The following CNTN5 variants were observed in gnomAD, a reference collection of about 807,000 sequenced individuals.
The protein encoded by CNTN5 is contactin 5, also known as contactin-5.
CNTN5 carries 77 observed loss-of-function variants against 129.1 expected under a neutral mutation model. The observed-to-expected ratio is 0.60, with a 90% CI of 0.50 to 0.72. The LOEUF (loss-of-function observed/expected upper bound fraction) is 0.72, where lower values mean the gene tolerates loss of function less well. Ranked by LOEUF, CNTN5 falls within the 30% of genes least tolerant of loss-of-function variation. CNTN5 has a pLI of 0.00. For synonymous variants in CNTN5, 509 were observed against 465.6 expected, an observed-to-expected ratio of 1.09 and a Z score of -1.20; for missense variants, 1,478 against 1,328.8, an observed-to-expected ratio of 1.11 and a Z score of -1.75.
chr11:100,015,039 A>T (rs759241647), intron 9 of CNTN5, among the ~76,000 whole-genome samples: 2 of 152,168 alleles, frequency 1.3e-5, no homozygotes, highest in Non-Finnish European at 2.9e-5. Flanking sequence ...CTGTTTGATT[A>T]CCATAAATGT....
At chr11:99,158,547 G>A (rs1366661033) in intron 1 of CNTN5, among the ~76,000 whole-genome samples, 1 of 151,604 alleles carries the variant, frequency 6.6e-6, no homozygotes, top group East Asian at 1.9e-4. Flanking sequence ...TAATTTTTTT[G>A]CATATAACAA....
At chr11:100,014,257 A>G (rs2137535330) in intron 9 of CNTN5, among the ~76,000 whole-genome samples, 1 of 152,270 alleles carries the variant, frequency 6.6e-6, no homozygotes, top group South Asian at 2.1e-4. Context: ...TCTGCATAAC[A>G]GCAGTATCTC....
chr11:100,331,996 A>G (rs1007771898), intron 21 of CNTN5, among the ~76,000 whole-genome samples: 7 of 152,072 alleles, frequency 4.6e-5, no homozygotes, highest in African/African-American at 1.7e-4. Flanking sequence ...GGAGAACTAA[A>G]TAAAATTGAA....
At chr11:100,148,668 A>AAAT (rs1946939177) in intron 13 of CNTN5, among the ~76,000 whole-genome samples, 1 of 152,038 alleles carries the variant, frequency 6.6e-6, no homozygotes, top group African/African-American at 2.4e-5. Context: ...CCGGGCCAAC[A>AAAT]AATAACAGGA....
At chr11:100,277,573 A>G (rs894764377) in intron 18 of CNTN5, among the ~76,000 whole-genome samples, 1 of 152,132 alleles carries the variant, frequency 6.6e-6, no homozygotes, top group Non-Finnish European at 1.5e-5. Flanking sequence ...CTGATGATCA[A>G]TTATGCTGAG....
chr11:100,289,910 A>C (rs1950915084), intron 18 of CNTN5, among the ~76,000 whole-genome samples: 1 of 151,314 alleles, frequency 6.6e-6, no homozygotes, highest in African/African-American at 2.4e-5. Context: ...ACTTCAGCAA[A>C]GTCTCAGGAT....
chr11:99,230,126 A>G (rs1860911993), intron 1 of CNTN5, among the ~76,000 whole-genome samples: 1 of 152,050 alleles, frequency 6.6e-6, no homozygotes, highest in African/African-American at 2.4e-5. Flanking sequence ...TTCGATACTT[A>G]AAAGAGATTA....
intron 3 of CNTN5, among the ~76,000 whole-genome samples, chr11:99,689,530 GAAAAAA>G (rs368912453): frequency 3.7e-4 from 34 of 92,910 alleles, no homozygotes; most frequent in African/African-American, 1.3e-3. Context: ...CCTCAAAAAA[GAAAAAA>G]AAAAAAAAAA....
chr11:99,360,612 C>A (rs1366598839), intron 2 of CNTN5, among the ~76,000 whole-genome samples: 1 of 152,124 alleles, frequency 6.6e-6, no homozygotes, highest in Admixed American at 6.5e-5. Context: ...TTTTGCCTTT[C>A]GTCATAGTTT....
intron 1 of CNTN5, among the ~76,000 whole-genome samples, chr11:99,290,037 T>G (rs1417474640): frequency 6.6e-6 from 1 of 151,860 alleles, no homozygotes. Flanking sequence ...CTGCTACATC[T>G]GAAGTTATTA....
At chr11:99,858,038 T>G (rs1382317041) in intron 6 of CNTN5, among the ~76,000 whole-genome samples, 1 of 151,794 alleles carries the variant, frequency 6.6e-6, no homozygotes, top group African/African-American at 2.4e-5. Context: ...CATGTCAAAA[T>G]ATCCAGCAAA....
At chr11:100,167,666 A>G (rs1947684156) in intron 13 of CNTN5, among the ~76,000 whole-genome samples, 1 of 151,954 alleles carries the variant, frequency 6.6e-6, no homozygotes, top group Non-Finnish European at 1.5e-5. Context: ...ACAGACCTAG[A>G]TTAGGACTGA....
chr11:99,204,453 T>G (rs1185562163), intron 1 of CNTN5, among the ~76,000 whole-genome samples: 1 of 152,222 alleles, frequency 6.6e-6, no homozygotes, highest in Non-Finnish European at 1.5e-5. Context: ...TTCATGTTAT[T>G]GAACCTAATA....
At chr11:100,026,043 T>C (rs538476119) in intron 9 of CNTN5, among the ~76,000 whole-genome samples, 5 of 152,272 alleles carry the variant, frequency 3.3e-5, no homozygotes, top group Admixed American at 2.0e-4. Flanking sequence ...ATGATATGTT[T>C]AGGGTTTGTG....
chr11:99,463,108 AAAATAAATAAAT>A (rs376289717), intron 2 of CNTN5, among the ~76,000 whole-genome samples: 2 of 121,148 alleles, frequency 1.7e-5, no homozygotes, highest in African/African-American at 3.1e-5. Context: ...ACTCCATCTC[AAAATAAATAAAT>A]AAATAAATAA....
At chr11:99,176,667 A>T (rs1857789946) in intron 1 of CNTN5, among the ~76,000 whole-genome samples, 1 of 152,136 alleles carries the variant, frequency 6.6e-6, no homozygotes, top group Admixed American at 6.6e-5. Flanking sequence ...ATGATTCTAC[A>T]TTCAAAATAT....
chr11:100,241,800 C>T (rs765211423), intron 16 of CNTN5, among the ~76,000 whole-genome samples: 2 of 152,166 alleles, frequency 1.3e-5, no homozygotes, highest in Non-Finnish European at 2.9e-5. Context: ...GCAAAGGATC[C>T]TCAGAAACTA....
chr11:99,329,898 T>C (rs12799577), intron 2 of CNTN5, among the ~76,000 whole-genome samples: 1 of 142,378 alleles, frequency 7.0e-6, no homozygotes, highest in Admixed American at 7.8e-5. Flanking sequence ...TCTATATCTG[T>C]ACATATACAA....
chr11:100,025,001 A>G (rs1032237745), intron 9 of CNTN5, among the ~76,000 whole-genome samples: 1 of 152,228 alleles, frequency 6.6e-6, no homozygotes, highest in African/African-American at 2.4e-5. Context: ...TTTTATAGCT[A>G]ATGGGAAGCC....
Sources: allele counts gnomAD v4.1 joint callset (sites outside exome capture counted in the v4.1 genomes callset), GRCh38; gene constraint gnomAD v4.1.1; transcripts MANE v1.5; gene names NCBI Gene and HGNC (gene_info 2026-07-23, HGNC 2026-07-21).